Variants in DOCK8 observed in about 807,000 individuals in gnomAD.
DOCK8 encodes dedicator of cytokinesis protein 8.
A neutral mutation model predicts 245.6 loss-of-function variants in DOCK8; 141 were observed. The observed-to-expected ratio is 0.57, with a 90% CI of 0.50 to 0.66. The LOEUF is 0.66. DOCK8 is among the 30% of genes least tolerant of loss of function. DOCK8 has a pLI of 0.00. For missense variants in DOCK8, 2,965 were observed against 2,603.4 expected (o/e 1.14, Z -3.02); for synonymous variants, 1,168 against 970.2 (o/e 1.20, Z -3.79).
At chr9:370,144 C>G (rs969687582) in intron 15 of DOCK8, 86 bp from the exon 16 acceptor site, 2 of 1,181,562 alleles carry the variant, frequency 1.7e-6, no homozygotes, top group African/African-American at 3.0e-5. Context: ...CTCTATGAGA[C>G]CAGAACATCC....
chr9:232,770 G>A (rs145378621), intron 1 of DOCK8, among the ~76,000 whole-genome samples: 4,495 of 152,078 alleles, frequency 0.03, 89 homozygotes, highest in African/African-American at 0.055. Flanking sequence ...TACTGCGTCT[G>A]TTTGATTCTT....
Position 434,826 on chromosome 9 carries a change from T to C in DOCK8, c.4930T>C (p.Trp1644Arg). The C allele has an allele frequency of 6.2e-7, 1 of 1,614,188 alleles. No individual in the cohort carries two copies. Among genetic ancestry groups the C allele is most frequent in the Non-Finnish European group, 8.5e-7 (1 of 1,180,042 alleles). Residue 1644 changes from tryptophan to arginine, a missense_variant, in exon 39 of 48, where the codon TGG becomes CGG. Around this residue, in one of 3 missense-constraint regions of DOCK8, gnomAD observed 2,825 missense variants for 2,453.5 expected, o/e 1.15. Coordinates refer to ENST00000432829, the MANE Select transcript of DOCK8 (RefSeq NM_203447.4). ...GGCATCTCCTGATCTGCGGCTGACC[T>C]GGCTCCAGAACATGGCAGAGAAACA... ...YQASPDLRLT[W>R]LQNMAEKHTK...
chr9:222,630 C>G (rs1211545944), intron 1 of DOCK8, among the ~76,000 whole-genome samples: 1 of 152,162 alleles, frequency 6.6e-6, no homozygotes, highest in Non-Finnish European at 1.5e-5. Context: ...AGAGAGTGAA[C>G]TCTGAAGTCA....
chr9:300,718 C>A (rs964305361), intron 4 of DOCK8, among the ~76,000 whole-genome samples: 1 of 152,068 alleles, frequency 6.6e-6, no homozygotes, highest in South Asian at 2.1e-4. Flanking sequence ...TTATAAATAC[C>A]CCTATGCACA....
intron 14 of DOCK8, among the ~76,000 whole-genome samples, chr9:357,653 A>G (rs12551785): frequency 0.15 from 22,041 of 151,978 alleles, 2,010 homozygotes; most frequent in Middle Eastern, 0.22. Flanking sequence ...CCTGATGTTC[A>G]GAGTACAGTA....
At chr9:450,797 C>T (rs760703033) in intron 45 of DOCK8, among the ~76,000 whole-genome samples, 1 of 151,054 alleles carries the variant, frequency 6.6e-6, no homozygotes, top group Non-Finnish European at 1.5e-5. Context: ...TTTCCAAGCC[C>T]ACAACCATGG....
chr9:270,659 T>G (rs1450429672), intron 1 of DOCK8, among the ~76,000 whole-genome samples: 1 of 152,234 alleles, frequency 6.6e-6, no homozygotes, highest in African/African-American at 2.4e-5. Flanking sequence ...ATTTAAGTAT[T>G]ACATCTAAAG....
intron 15 of DOCK8, chr9:368,471 T>C: frequency 3.3e-6 from 2 of 600,870 alleles, no homozygotes; most frequent in South Asian, 3.9e-5. Flanking sequence ...TGCGCCATGT[T>C]TGCTGAGTGT....
At chr9:368,337 C>A in intron 15 of DOCK8, 1 of 725,508 alleles carries the variant, frequency 1.4e-6, no homozygotes, top group South Asian at 1.5e-5. Context: ...TCGGCTTATT[C>A]TGTAGTGAGC....
At chr9:453,539 C>T (rs1404870726) in intron 46 of DOCK8, among the ~76,000 whole-genome samples, 3 of 152,122 alleles carry the variant, frequency 2.0e-5, no homozygotes, top group African/African-American at 7.2e-5. Flanking sequence ...AGATTCTCCT[C>T]CCTGAGCCTC....
chr9:372,372 G>A, intron 18 of DOCK8, 86 bp downstream of exon 18: 2 of 1,064,870 alleles, frequency 1.9e-6, no homozygotes, highest in African/African-American at 3.1e-5. Context: ...TTCCCATGTG[G>A]CCATGGATGT....
At chr9:261,928 A>T (rs1476179477) in intron 1 of DOCK8, among the ~76,000 whole-genome samples, 3 of 152,008 alleles carry the variant, frequency 2.0e-5, no homozygotes, top group Non-Finnish European at 4.4e-5. Context: ...TAGGTTTCAT[A>T]ACTTTTTAAA....
chr9:335,189 A>G (rs73639054), intron 11 of DOCK8, among the ~76,000 whole-genome samples: 5,489 of 152,258 alleles, frequency 0.036, 333 homozygotes, highest in African/African-American at 0.12. Flanking sequence ...AAGAATATTT[A>G]CTGTTTTAGT....
chr9:285,105 A>G (rs1268506225), intron 2 of DOCK8, among the ~76,000 whole-genome samples: 1 of 152,138 alleles, frequency 6.6e-6, no homozygotes, highest in Non-Finnish European at 1.5e-5. Context: ...TAAAAAAAAA[A>G]TCCCAGACAG....
intron 1 of DOCK8, among the ~76,000 whole-genome samples, chr9:269,890 C>T (rs2129912760): frequency 6.6e-6 from 1 of 152,258 alleles, no homozygotes; most frequent in South Asian, 2.1e-4. Context: ...TGGGTAAATA[C>T]CTTTGAGTGG....
chr9:329,031 C>T lies in DOCK8; in HGVS notation c.1044+860C>T, dbSNP rs149313805. On this transcript the variant is annotated intron_variant, in intron 9 of 47. Coordinates refer to ENST00000432829, the MANE Select transcript of DOCK8 (RefSeq NM_203447.4). Reference sequence around the variant, plus strand: ...GTGTCACCATGTCGGCTCACTGCAACCTCCACCTCCCGGGTTCAAACGATT... The same window carrying T: ...GTGTCACCATGTCGGCTCACTGCAATCTCCACCTCCCGGGTTCAAACGATT... Among the ~76,000 whole-genome samples, 184 of 142,188 alleles carry T rather than the reference C, an allele frequency of 1.3e-3. No homozygotes were observed. In the East Asian group the frequency reaches 0.014, roughly 11 times the overall value. The allele number at this position is 142,188 out of a possible 152,430, so 93.3% of individuals were successfully genotyped here.
chr9:255,894 A>G (rs879661932), intron 1 of DOCK8, among the ~76,000 whole-genome samples: 1 of 152,122 alleles, frequency 6.6e-6, no homozygotes, highest in Non-Finnish European at 1.5e-5. Flanking sequence ...ATTTTTATTC[A>G]GGCTTATTGA....
Position 215,287 on chromosome 9 carries a change from C to A in DOCK8, c.53+258C>A, listed in dbSNP as rs372481123. On this transcript the variant is annotated intron_variant, in intron 1 of 47. Coordinates refer to ENST00000432829, the MANE Select transcript of DOCK8 (RefSeq NM_203447.4). ...TGTCCTCAGCCGCCGGGGATCCCTT[C>A]CCCGAACAACCTCGCCCGCTCCGCC... 7.5e-6 allele frequency: 12 copies of A among 1,608,652 alleles called. No individual in the cohort carries two copies. In the African/African-American group the frequency reaches 1.6e-4, roughly 22 times the overall value.
chr9:255,483 C>T (rs961066232), intron 1 of DOCK8, among the ~76,000 whole-genome samples: 3 of 152,084 alleles, frequency 2.0e-5, no homozygotes, highest in Non-Finnish European at 2.9e-5. Context: ...GCCTGGCCAA[C>T]ATGGTGAAAC....
Sources: allele counts gnomAD v4.1 joint callset (sites outside exome capture counted in the v4.1 genomes callset), GRCh38; gene constraint gnomAD v4.1.1; regional missense constraint gnomAD v4.1.1; transcripts MANE v1.5; gene names NCBI Gene and HGNC (gene_info 2026-07-23, HGNC 2026-07-21).